The following LRFN5 variants were observed in gnomAD, a reference collection of about 807,000 sequenced individuals.
LRFN5 encodes leucine rich repeat and fibronectin type III domain containing 5, also known as leucine-rich repeat and fibronectin type-III domain-containing protein 5.
Under a neutral mutation model 45.6 loss-of-function variants are expected in LRFN5, and 24 were observed. The observed-to-expected ratio is 0.53, with a 90% CI of 0.38 to 0.74. The LOEUF is 0.74. Ranked by LOEUF, LRFN5 falls within the 30% of genes least tolerant of loss-of-function variation. LRFN5 has a pLI of 0.00. For synonymous variants in LRFN5, 340 were observed against 313.8 expected (o/e 1.08, Z -0.88); for missense variants, 776 against 861.5 (o/e 0.90, Z 1.24).
At chr14:41,671,601 G>C (rs1377132306) in intron 1 of LRFN5, among the ~76,000 whole-genome samples, 1 of 68,888 alleles carries the variant, frequency 1.5e-5, no homozygotes, top group Non-Finnish European at 2.8e-5. Context: ...ATGTGGAGGA[G>C]AGATTTTTTT....
intron 2 of LRFN5, among the ~76,000 whole-genome samples, chr14:41,791,269 C>A (rs1040785814): frequency 3.3e-5 from 5 of 151,748 alleles, no homozygotes; most frequent in African/African-American, 9.7e-5. Context: ...AAAATAAATA[C>A]ATCAACAATA....
chr14:41,759,120 A>C (rs1183134540), intron 1 of LRFN5, among the ~76,000 whole-genome samples: 2 of 152,024 alleles, frequency 1.3e-5, no homozygotes, highest in Admixed American at 1.3e-4. Flanking sequence ...AAAGTGTAAT[A>C]CCTCTCACAT....
chr14:41,878,896 A>T (rs1890278094), intron 2 of LRFN5, among the ~76,000 whole-genome samples: 1 of 152,154 alleles, frequency 6.6e-6, no homozygotes, highest in Non-Finnish European at 1.5e-5. Context: ...GTCAAGGATC[A>T]GTTTGTGAAC....
intron 2 of LRFN5, among the ~76,000 whole-genome samples, chr14:41,770,906 T>C (rs1318294168): frequency 6.6e-6 from 1 of 151,846 alleles, no homozygotes; most frequent in Non-Finnish European, 1.5e-5. Flanking sequence ...TGTGAGGAGC[T>C]CCACTCTTGT....
At chr14:41,901,842 T>A (rs573691695) in intron 5 of LRFN5, among the ~76,000 whole-genome samples, 1 of 152,070 alleles carries the variant, frequency 6.6e-6, no homozygotes, top group Admixed American at 6.6e-5. Context: ...AGGAGGAGGT[T>A]CCTATGATAT....
chr14:41,792,742 A>G (rs1003038704), intron 2 of LRFN5, among the ~76,000 whole-genome samples: 2 of 151,948 alleles, frequency 1.3e-5, no homozygotes, highest in African/African-American at 4.8e-5. Context: ...AAGTGCACTG[A>G]TTTCATCTTG....
intron 1 of LRFN5, among the ~76,000 whole-genome samples, chr14:41,665,748 C>T (rs1880866885): frequency 6.6e-6 from 1 of 151,936 alleles, no homozygotes; most frequent in South Asian, 2.1e-4. Context: ...GAAAACTGGG[C>T]ATTTTTTAAA....
In LRFN5 at chr14:41,704,448, C is replaced by CTCTCTCTGTGTGTGTGTGTGTGTG. The variant is rs200253065; in HGVS notation, c.-196-62405_-196-62404insCTCTCTGTGTGTGTGTGTGTGTGT. On this transcript the variant is annotated intron_variant, in intron 1 of 5. Coordinates refer to ENST00000298119, the MANE Select transcript of LRFN5 (RefSeq NM_152447.5). Reference sequence around the variant, plus strand: ...TCTCTCTCTCTCTCTCTCTCTCTCTCTGTGTGTGTGTGTCTGTGAGATTTG... The same window carrying CTCTCTCTGTGTGTGTGTGTGTGTG: ...TCTCTCTCTCTCTCTCTCTCTCTCTCTCTCTCTGTGTGTGTGTGTGTGTGTGTGTGTGTGTGTCTGTGAGATTTG... 3.2e-4 allele frequency among the ~76,000 whole-genome samples: 40 copies of CTCTCTCTGTGTGTGTGTGTGTGTG among 124,284 alleles called. 1 individual carries two copies. The highest frequency in any genetic ancestry group is 1.3e-3 in the African/African-American group (35 of 25,958). The allele number at this position is 124,284 out of a possible 152,430, so 81.5% of individuals were successfully genotyped here. A position where few individuals can be genotyped will look rare whatever the true frequency, so the allele number is the denominator to read the frequency against.
intron 4 of LRFN5, among the ~76,000 whole-genome samples, chr14:41,896,592 C>A (rs1890946930): frequency 6.6e-6 from 1 of 152,056 alleles, no homozygotes; most frequent in African/African-American, 2.4e-5. Context: ...TTTGAAATGG[C>A]ATTCAGAAAA....
At chr14:41,857,221 A>C (rs1363326727) in intron 2 of LRFN5, among the ~76,000 whole-genome samples, 2 of 152,204 alleles carry the variant, frequency 1.3e-5, no homozygotes, top group Admixed American at 1.3e-4. Context: ...ATAAAACTCA[A>C]GAAAAAATCA....
intron 2 of LRFN5, among the ~76,000 whole-genome samples, chr14:41,865,218 C>T (rs1357626312): frequency 6.6e-6 from 1 of 152,086 alleles, no homozygotes; most frequent in African/African-American, 2.4e-5. Flanking sequence ...CCATACTCAT[C>T]AGAACCACTC....
intron 1 of LRFN5, among the ~76,000 whole-genome samples, chr14:41,757,075 A>G (rs1594680103): frequency 6.6e-6 from 1 of 152,150 alleles, no homozygotes; most frequent in East Asian, 1.9e-4. Context: ...AACAGAGGAT[A>G]TTGGTGAACA....
chr14:41,892,389 T>C, intron 4 of LRFN5: 2 of 985,124 alleles, frequency 2.0e-6, no homozygotes, highest in Non-Finnish European at 2.4e-6. Context: ...AAGCATGACA[T>C]AGCAGCAGTG....
intron 1 of LRFN5, among the ~76,000 whole-genome samples, chr14:41,727,468 GAA>G (rs11354580): frequency 2.0e-5 from 3 of 151,226 alleles, no homozygotes; most frequent in Non-Finnish European, 1.5e-5. Context: ...AAATAGGAAA[GAA>G]AAAAAATTAG....
At chr14:41,893,077 T>C (rs891633739) in intron 4 of LRFN5, 8 of 981,970 alleles carry the variant, frequency 8.1e-6, no homozygotes, top group South Asian at 9.4e-5. Context: ...ATTTTTTTTT[T>C]CCCATTTGCA....
chr14:41,757,916 TG>T, intron 1 of LRFN5, among the ~76,000 whole-genome samples: 1 of 152,300 alleles, frequency 6.6e-6, no homozygotes, highest in Middle Eastern at 3.4e-3. Flanking sequence ...ATGTCATTTT[TG>T]GTACCCATAT....
chr14:41,654,416 T>A (rs1880279068), intron 1 of LRFN5, among the ~76,000 whole-genome samples: 1 of 151,994 alleles, frequency 6.6e-6, no homozygotes, highest in Admixed American at 6.6e-5. Context: ...ATAGTGCATA[T>A]TTGTATGTAC....
At chr14:41,682,273 A>T (rs561207151) in intron 1 of LRFN5, among the ~76,000 whole-genome samples, 1 of 151,992 alleles carries the variant, frequency 6.6e-6, no homozygotes, top group Non-Finnish European at 1.5e-5. Context: ...AATAATAATT[A>T]TGACAACAAC....
intron 1 of LRFN5, among the ~76,000 whole-genome samples, chr14:41,650,775 T>C (rs1880074251): frequency 6.6e-6 from 1 of 152,158 alleles, no homozygotes; most frequent in African/African-American, 2.4e-5. Context: ...GAATGTGGTG[T>C]AGCCATCAAA....
Sources: gnomAD v4.1 joint callset for allele counts (sites outside exome capture counted in the v4.1 genomes callset) on GRCh38, gnomAD v4.1.1 for gene constraint, MANE v1.5 for transcripts, NCBI Gene and HGNC (gene_info 2026-07-23, HGNC 2026-07-21) for gene names.